Variants in FGF22 observed in about 807,000 individuals in gnomAD.
FGF22 encodes the protein fibroblast growth factor 22, also known as FGF-22.
In FGF22, 11 loss-of-function variants were observed where a neutral mutation model predicts 10.3. The observed-to-expected ratio is 1.07, with a 90% CI of 0.67 to 1.77. The LOEUF is 1.77. FGF22 is among the 40% of genes most tolerant of loss of function. The pLI, the probability that FGF22 is intolerant of heterozygous loss-of-function variation, is 0.00. For missense variants in FGF22, 317 were observed against 273.2 expected (o/e 1.16, Z -1.13); for synonymous variants, 136 against 122.1 (o/e 1.11, Z -0.75).
At chr19:643,181 C>G (rs1211662772) in intron 1 of FGF22, 54 bp from the exon 2 acceptor site, 2 of 809,958 alleles carry the variant, frequency 2.5e-6, no homozygotes, top group Non-Finnish European at 3.2e-6. Context: ...CAGCGGACAG[C>G]AGCGGTGCTG....
intron 1 of FGF22, chr19:641,165 T>G: frequency 4.4e-6 from 2 of 456,484 alleles, no homozygotes; most frequent in South Asian, 3.1e-5. Context: ...ACCTTGTGGG[T>G]GCTGTGCTCC....
chr19:642,437 T>C (rs1600616501), intron 1 of FGF22, among the ~76,000 whole-genome samples: 1 of 105,596 alleles, frequency 9.5e-6, no homozygotes, highest in Non-Finnish European at 1.9e-5. Flanking sequence ...GGCTGGGGGG[T>C]CTCTGGGGTG....
Sources: gnomAD v4.1 joint callset for allele counts (sites outside exome capture counted in the v4.1 genomes callset) on GRCh38, gnomAD v4.1.1 for gene constraint, MANE v1.5 for transcripts, NCBI Gene and HGNC (gene_info 2026-07-23, HGNC 2026-07-21) for gene names.